CNTN5: variants seen among roughly 807,000 people sequenced by gnomAD.
CNTN5 encodes the protein contactin 5.
CNTN5 carries 77 observed loss-of-function variants against 129.1 expected under a neutral mutation model. The ratio of observed to expected loss-of-function variants is 0.60; its 90% CI spans 0.50 to 0.72. The LOEUF is 0.72. CNTN5 is among the 30% of genes least tolerant of loss of function. CNTN5 has a pLI of 0.00. For synonymous variants in CNTN5, 509 were observed against 465.6 expected (o/e 1.09, Z -1.20); for missense variants, 1,478 against 1,328.8 (o/e 1.11, Z -1.75).
At chr11:100,290,888 A>T (rs1314287089) in intron 18 of CNTN5, among the ~76,000 whole-genome samples, 1 of 151,674 alleles carries the variant, frequency 6.6e-6, no homozygotes, top group Non-Finnish European at 1.5e-5. Flanking sequence ...CAGAATCTAC[A>T]ATGAACTCAA....
intron 3 of CNTN5, among the ~76,000 whole-genome samples, chr11:99,636,246 G>A (rs962811707): frequency 2.6e-5 from 4 of 152,048 alleles, no homozygotes; most frequent in African/African-American, 9.7e-5. Flanking sequence ...GTTATATGGG[G>A]GAGATTGGGT....
intron 13 of CNTN5, among the ~76,000 whole-genome samples, chr11:100,164,514 A>C (rs1354812119): frequency 6.6e-6 from 1 of 151,834 alleles, no homozygotes; most frequent in Non-Finnish European, 1.5e-5. Flanking sequence ...TTAGAAAAAA[A>C]TGGAGGACAC....
Position 99,738,635 on chromosome 11 carries a change from GTGTGTGTA to G in CNTN5, c.56-80901_56-80894del, listed in dbSNP as rs1219306457. ...CAGTAACGTGTGTGTGTGTGTGTGT[GTGTGTGTA>G]TGTGTGTGTAGAACCTGGAGTGTAG... On this transcript the variant is annotated intron_variant, in intron 3 of 24. Transcript: ENST00000524871. Among the ~76,000 whole-genome samples, 580 of 151,632 alleles carry G rather than the reference GTGTGTGTA, an allele frequency of 3.8e-3. 3 individuals are homozygous for G. The highest frequency in any genetic ancestry group is 0.013 in the African/African-American group (553 of 41,256).
chr11:100,037,033 C>G (rs1942057052), intron 9 of CNTN5, among the ~76,000 whole-genome samples: 1 of 151,968 alleles, frequency 6.6e-6, no homozygotes, highest in Non-Finnish European at 1.5e-5. Context: ...GAGAGGGCAT[C>G]CCTGTCTTGT....
chr11:100,072,990 CAAAAAAAAA>C (rs61042118), intron 12 of CNTN5, among the ~76,000 whole-genome samples: 1 of 79,074 alleles, frequency 1.3e-5, no homozygotes, highest in Admixed American at 1.5e-4. Context: ...TCCCAGGAGG[CAAAAAAAAA>C]AAAAAAAAAA....
rs533587195 is a variant in CNTN5, at chr11:99,704,237, A to C, written c.56-115307A>C. On this transcript the variant is annotated intron_variant, in intron 3 of 24. Transcript: ENST00000524871. ...ATCCCAGACTGGGAATCCACCAGGT[A>C]TTCACATAGGAACTTACTAAGTGCC... Among the ~76,000 whole-genome samples, 12 of 151,174 alleles carry C rather than the reference A, an allele frequency of 7.9e-5. 1 individual carries two copies. In the South Asian group the frequency reaches 2.5e-3, roughly 31 times the overall value.
intron 9 of CNTN5, among the ~76,000 whole-genome samples, chr11:100,038,996 T>C (rs2137662840): frequency 6.6e-6 from 1 of 152,316 alleles, no homozygotes; most frequent in African/African-American, 2.4e-5. Flanking sequence ...TATGTGTGAA[T>C]TTGATCCTGT....
At chr11:99,357,134 TC>T (rs1272323941) in intron 2 of CNTN5, among the ~76,000 whole-genome samples, 1 of 151,844 alleles carries the variant, frequency 6.6e-6, no homozygotes, top group African/African-American at 2.4e-5. Flanking sequence ...AGGAATTTGA[TC>T]AGGGATGCTT....
chr11:100,087,274 A>G (rs577072595), intron 13 of CNTN5, among the ~76,000 whole-genome samples: 49 of 151,840 alleles, frequency 3.2e-4, no homozygotes, highest in Non-Finnish European at 6.2e-4. Flanking sequence ...TGATATTTCA[A>G]ATTGACTCAA....
intron 7 of CNTN5, among the ~76,000 whole-genome samples, chr11:99,926,871 A>G (rs1273702471): frequency 2.0e-5 from 3 of 152,118 alleles, no homozygotes; most frequent in Admixed American, 1.3e-4. Flanking sequence ...TGTTAAATTA[A>G]TGAAACCCAC....
chr11:99,571,043 G>T (rs555629200), intron 3 of CNTN5, among the ~76,000 whole-genome samples: 7 of 152,256 alleles, frequency 4.6e-5, no homozygotes, highest in African/African-American at 1.7e-4. Flanking sequence ...CAAGAAGAGT[G>T]ATAGGTGGTG....
intron 3 of CNTN5, among the ~76,000 whole-genome samples, chr11:99,668,096 C>T (rs899314474): frequency 6.6e-6 from 1 of 152,014 alleles, no homozygotes; most frequent in Non-Finnish European, 1.5e-5. Flanking sequence ...TGAATACTGC[C>T]ACACGCAGGA....
intron 6 of CNTN5, among the ~76,000 whole-genome samples, chr11:99,907,056 C>A (rs945330343): frequency 6.6e-6 from 1 of 151,690 alleles, no homozygotes; most frequent in African/African-American, 2.4e-5. Context: ...TTTTGTTAAT[C>A]TTTTCAAAAA....
At chr11:99,731,888 G>C (rs1943546934) in intron 3 of CNTN5, among the ~76,000 whole-genome samples, 1 of 152,132 alleles carries the variant, frequency 6.6e-6, no homozygotes, top group East Asian at 1.9e-4. Flanking sequence ...AGATTCAAAG[G>C]AGAAAAACTC....
chr11:100,050,650 G>A (rs916679390), intron 9 of CNTN5, among the ~76,000 whole-genome samples: 8 of 150,646 alleles, frequency 5.3e-5, no homozygotes, highest in Non-Finnish European at 8.9e-5. Flanking sequence ...AAAAAGAAAT[G>A]AGAAAAAAAA....
intron 3 of CNTN5, among the ~76,000 whole-genome samples, chr11:99,588,213 G>A (rs1264318099): frequency 4.6e-5 from 7 of 151,982 alleles, no homozygotes; most frequent in African/African-American, 1.2e-4. Context: ...GCCTATTGGC[G>A]GACGCCTATA....
chr11:99,108,117 A>C (rs1404893512), intron 1 of CNTN5, among the ~76,000 whole-genome samples: 1 of 152,068 alleles, frequency 6.6e-6, no homozygotes, highest in African/African-American at 2.4e-5. Flanking sequence ...GTGATGGTTG[A>C]TTGTAGATTA....
At position 99,845,242 on chromosome 11, in the gene CNTN5, A is replaced by G. The variant is rs201975759; in HGVS notation, c.557A>G (p.Glu186Gly). ...ACTGTGGGGAGTATTCTTAGTAGAG[A>G]AGCTACACTGCAGTTTGCCTGTGAG... ...TNTVGSILSREATLQFAYLGN... is the reference protein window; with the variant it reads ...TNTVGSILSRGATLQFAYLGN... The change falls in exon 6 of 25, where the codon GAA (glutamate) becomes GGA (glycine). Residue 186 changes from glutamate to glycine, a missense_variant. Transcript: ENST00000524871. 9 of 1,612,448 alleles carry G rather than the reference A, an allele frequency of 5.6e-6. No homozygotes were observed. Among genetic ancestry groups the G allele is most frequent in the Non-Finnish European group, 6.8e-6 (8 of 1,179,154 alleles).
intron 3 of CNTN5, among the ~76,000 whole-genome samples, chr11:99,585,935 A>T (rs1297200260): frequency 6.6e-6 from 1 of 152,162 alleles, no homozygotes. Context: ...TTCTTGTAAA[A>T]TAAATTGTTC....
Sources: allele counts gnomAD v4.1 joint callset (sites outside exome capture counted in the v4.1 genomes callset), GRCh38; gene constraint gnomAD v4.1.1; transcripts MANE v1.5; gene names NCBI Gene and HGNC (gene_info 2026-07-23, HGNC 2026-07-21).